Variants in PADI4 observed in about 807,000 individuals in gnomAD.
PADI4 encodes protein-arginine deiminase type-4.
A neutral mutation model predicts 75.0 loss-of-function variants in PADI4; 62 were observed. The observed-to-expected ratio is 0.83, with a 90% CI of 0.67 to 1.02. The LOEUF is 1.02. Among genes scored for constraint, PADI4 ranks in the 50% least tolerant of loss-of-function variants. PADI4 has a pLI of 0.00. For synonymous variants in PADI4, 361 were observed against 348.1 expected (o/e 1.04, Z -0.41); for missense variants, 845 against 850.5 (o/e 0.99, Z 0.08).
chr1:17,362,465 G>A (rs543681024), intron 15 of PADI4, among the ~76,000 whole-genome samples: 33 of 152,016 alleles, frequency 2.2e-4, no homozygotes, highest in Non-Finnish European at 1.0e-4. Context: ...ATGTTCTCAC[G>A]TATAGGTAGA....
At chr1:17,330,222 C>T (rs1384186757) in intron 1 of PADI4, among the ~76,000 whole-genome samples, 1 of 152,212 alleles carries the variant, frequency 6.6e-6, no homozygotes, top group Non-Finnish European at 1.5e-5. Flanking sequence ...AGGGGATTCG[C>T]TTTCTGTCAG....
chr1:17,324,641 A>G (rs2074090117), intron 1 of PADI4, among the ~76,000 whole-genome samples: 1 of 152,058 alleles, frequency 6.6e-6, no homozygotes, highest in African/African-American at 2.4e-5. Context: ...CTATTTATTT[A>G]CATCTAGTTG....
chr1:17,333,705 C>T (rs1021437090), intron 2 of PADI4, among the ~76,000 whole-genome samples: 8 of 152,014 alleles, frequency 5.3e-5, no homozygotes, highest in African/African-American at 1.9e-4. Flanking sequence ...AACGACCCTG[C>T]CAGGCAGAGT....
intron 3 of PADI4, 33 bp downstream of exon 3, chr1:17,334,042 T>C: frequency 7.2e-7 from 1 of 1,381,284 alleles, no homozygotes; most frequent in Non-Finnish European, 1.0e-6. Flanking sequence ...GAGTGCCGTC[T>C]CATCCCCTGC....
intron 1 of PADI4, among the ~76,000 whole-genome samples, chr1:17,311,634 C>T (rs2073831712): frequency 6.6e-6 from 1 of 152,040 alleles, no homozygotes; most frequent in African/African-American, 2.4e-5. Context: ...ACGCAATTCT[C>T]CTGCCTCAGC....
Position 17,363,994 on chromosome 1 carries a change from TTTG to T in PADI4, c.*241_*243del. The stretch of plus-strand genomic sequence containing the variant: ...CTGCAATAAAGTTTTTTTAAGTCAC[TTTG>T]TACATGAGGTCAAGATGTTGTTGGT... On this transcript the variant is annotated 3_prime_UTR_variant, in exon 16 of 16. Transcript: ENST00000375448. The T allele has an allele frequency of 2.5e-6, 1 of 392,646 alleles. No individual in the cohort carries two copies. The highest frequency in any genetic ancestry group is 4.7e-6 in the Non-Finnish European group (1 of 214,964). The allele number at this position is 392,646 out of a possible 1,614,324, so 24.3% of individuals were successfully genotyped here.
Position 17,329,087 on chromosome 1 carries a change from T to C in PADI4, c.93-1882T>C, listed in dbSNP as rs1280939508. 2.1e-5 allele frequency among the ~76,000 whole-genome samples: 3 copies of C among 145,308 alleles called. No homozygotes were observed. The South Asian group carries it at 6.4e-4, about 31-fold the overall frequency. ...TATTAATATTAATATTTTATTAGTA[T>C]CTTAATAAATATCTTTATTAAGATA... On this transcript the variant is annotated intron_variant, in intron 1 of 15. Coordinates refer to ENST00000375448, the MANE Select transcript of PADI4 (RefSeq NM_012387.3).
chr1:17,363,468 T>G, intron 15 of PADI4, 54 bp from the exon 16 acceptor site: 1 of 1,283,890 alleles, frequency 7.8e-7, no homozygotes, highest in Non-Finnish European at 1.1e-6. Flanking sequence ...CCGCTCAGAT[T>G]GCGCTGCAGG....
intron 10 of PADI4, among the ~76,000 whole-genome samples, chr1:17,348,389 A>T (rs773305118): frequency 6.6e-6 from 1 of 152,094 alleles, no homozygotes; most frequent in Non-Finnish European, 1.5e-5. Context: ...ATCTTTCCCA[A>T]TGCCCAGCTG....
Position 17,356,335 on chromosome 1 carries a change from AC to A in PADI4, c.1456-18del. 1 of 1,546,590 alleles carries A rather than the reference AC, an allele frequency of 6.5e-7. No homozygotes were observed. The highest frequency in any genetic ancestry group is 8.8e-7 in the Non-Finnish European group (1 of 1,131,568). ...GCTCCAGGGGCAAAGCTGACTTCTA[AC>A]CCCAGTGTTTCTGCCTCCAGGGCTT... is the stretch of plus-strand genomic sequence containing the variant. On this transcript the variant is annotated intron_variant, in intron 12 of 15. Coordinates refer to ENST00000375448, the MANE Select transcript of PADI4 (RefSeq NM_012387.3). The surrounding 1 kb of genome is among the most constrained non-coding windows in gnomAD (Gnocchi z 4.1).
intron 10 of PADI4, among the ~76,000 whole-genome samples, chr1:17,352,505 G>C (rs192488093): frequency 6.6e-6 from 1 of 152,142 alleles, no homozygotes; most frequent in Non-Finnish European, 1.5e-5. Flanking sequence ...GAGTGGGCAG[G>C]TGAGGGATGC....
chr1:17,332,355 T>C (rs919719803), intron 2 of PADI4, among the ~76,000 whole-genome samples: 1 of 152,168 alleles, frequency 6.6e-6, no homozygotes, highest in African/African-American at 2.4e-5. Flanking sequence ...CAAACGATTC[T>C]CCTACCTCAG....
intron 10 of PADI4, among the ~76,000 whole-genome samples, chr1:17,351,799 C>T (rs1365773503): frequency 2.0e-5 from 3 of 150,410 alleles, no homozygotes; most frequent in Admixed American, 6.6e-5. Flanking sequence ...AGGAGCATGC[C>T]TTGAGTGTTC....
chr1:17,333,855 C>G (rs541326242), intron 2 of PADI4, 88 bp from the exon 3 acceptor site: 2 of 982,186 alleles, frequency 2.0e-6, no homozygotes, highest in East Asian at 2.4e-5. Context: ...CTCCCCAGTG[C>G]CCTACCCTGA....
intron 1 of PADI4, among the ~76,000 whole-genome samples, chr1:17,317,077 G>C (rs6673715): frequency 0.91 from 138,028 of 152,216 alleles, 62,646 homozygotes; most frequent in South Asian, 0.95. Flanking sequence ...CCAATAGTAC[G>C]TATGTCGCAG....
At chr1:17,351,628 A>G (rs958846652) in intron 10 of PADI4, among the ~76,000 whole-genome samples, 6 of 132,188 alleles carry the variant, frequency 4.5e-5, no homozygotes, top group Non-Finnish European at 6.9e-5. Flanking sequence ...AAAAAAAAAA[A>G]AAAAGATTGC....
chr1:17,359,217 T>TACCCCCCC, intron 14 of PADI4, 63 bp from the exon 15 acceptor site: 2 of 647,812 alleles, frequency 3.1e-6, no homozygotes, highest in Non-Finnish European at 5.2e-6. Flanking sequence ...CCCCACACTG[T>TACCCCCCC]CCCCCACCCC....
intron 10 of PADI4, 60 bp from the exon 11 acceptor site, chr1:17,354,473 C>T (rs2074724652): frequency 1.3e-6 from 2 of 1,521,780 alleles, no homozygotes; most frequent in Non-Finnish European, 1.8e-6. Flanking sequence ...CTTGGACCCC[C>T]CGACCCTTCA....
At chr1:17,323,406 G>C (rs2074064802) in intron 1 of PADI4, among the ~76,000 whole-genome samples, 1 of 152,224 alleles carries the variant, frequency 6.6e-6, no homozygotes, top group South Asian at 2.1e-4. Flanking sequence ...ATGAACAGCA[G>C]AGACGGGAAT....
Sources: allele counts gnomAD v4.1 joint callset (sites outside exome capture counted in the v4.1 genomes callset), GRCh38; gene constraint gnomAD v4.1.1; non-coding constraint Gnocchi (gnomAD v3.1); transcripts MANE v1.5; gene names NCBI Gene and HGNC (gene_info 2026-07-23, HGNC 2026-07-21).